Variants in CCDC188 observed in about 807,000 individuals in gnomAD.
The protein encoded by CCDC188 is coiled-coil domain-containing protein 188.
Under a neutral mutation model 50.7 loss-of-function variants are expected in CCDC188, and 37 were observed. The ratio of observed to expected loss-of-function variants is 0.73; its 90% CI spans 0.56 to 0.96. The LOEUF (loss-of-function observed/expected upper bound fraction) is 0.96. Among genes scored for constraint, CCDC188 ranks in the 40% least tolerant of loss-of-function variants. CCDC188 has a pLI of 0.00. For synonymous variants in CCDC188, 208 were observed against 228.0 expected, an observed-to-expected ratio of 0.91 and a Z score of 0.79; for missense variants, 453 against 512.9, an observed-to-expected ratio of 0.88 and a Z score of 1.13.
At position 20,148,695 on chromosome 22, in the gene CCDC188, C is replaced by T. The variant is rs755870392; in HGVS notation, c.1128G>A (p.Leu376=). 1.3e-6 allele frequency: 2 copies of T among 1,543,394 alleles called. No individual in the cohort carries two copies. Among genetic ancestry groups the T allele is most frequent in the African/African-American group, 2.8e-5 (2 of 72,482 alleles). The change falls in exon 9 of 9, where the codon CTG becomes CTA. Residue 376 remains leucine, a synonymous_variant. Transcript: ENST00000439765. ...GGAGCTTCCAGACGGTGGCACGGCT[C>T]AGCAGGGGTGGCACCAGCCCCTCGA... is the stretch of plus-strand genomic sequence containing the variant. ...TPFEGLVPPL[L]SRATVWKLRA...
intron 1 of CCDC188, 56 bp from the exon 2 acceptor site, chr22:20,150,306 G>A: frequency 2.3e-6 from 3 of 1,323,776 alleles, no homozygotes; most frequent in Admixed American, 4.3e-5. Flanking sequence ...CTGCGGCTGG[G>A]GCTGGGGCAG....
Position 20,149,435 on chromosome 22 carries a change from C to T in CCDC188, c.891G>A (p.Glu297=), listed in dbSNP as rs1282301122. 3.2e-6 allele frequency: 5 copies of T among 1,550,148 alleles called. No homozygotes were observed. In the Admixed American group the frequency reaches 5.9e-5, roughly 18 times the overall value. The change falls in exon 6 of 9, where the codon GAG becomes GAA. Residue 297 remains glutamate, a synonymous_variant. Transcript: ENST00000439765. ...KDIRGVLDQM[E]DIQLEILRER... is the part of the protein sequence containing the mutation. Reference sequence around the variant, plus strand: ...ACCTGAGAATCTCCAGCTGGATGTCCTCCATCTGGTCCAGCACGCCCCGGA... The same window carrying T: ...ACCTGAGAATCTCCAGCTGGATGTCTTCCATCTGGTCCAGCACGCCCCGGA...
chr22:20,149,629 G>A lies in CCDC188; in HGVS notation c.801C>T (p.Asn267=), dbSNP rs1406846973. The change falls in exon 5 of 9, where the codon AAC becomes AAT. Residue 267 remains asparagine, a synonymous_variant. Transcript: ENST00000439765. ...TCAGGGCCATGTGCATCTCAGCCACGTTGTCCCACACCTAGGGGGAGGTGG... is the reference window on the plus strand; with the variant it reads ...TCAGGGCCATGTGCATCTCAGCCACATTGTCCCACACCTAGGGGGAGGTGG... ...KKMVITEVWD[N]VAEMHMALNN... is the part of the protein sequence containing the mutation. The A allele has an allele frequency of 2.6e-6, 4 of 1,550,084 alleles. No homozygotes were observed. The highest frequency in any genetic ancestry group is 3.5e-6 in the Non-Finnish European group (4 of 1,146,870).
Position 20,150,800 on chromosome 22 carries a change from C to A in CCDC188, c.187G>T (p.Ala63Ser), listed in dbSNP as rs752818283. Residue 63 changes from alanine to serine, a missense_variant, in exon 1 of 9, where the codon GCA becomes TCA. Transcript: ENST00000439765. ...TCCACTGTGGGCCCACTGCCCCCTG[C>A]CCCTGGGACTGGGAAAGGTCTCTGG... is the stretch of plus-strand genomic sequence containing the variant. ...QSQRPFPVPGAGGSGPTVEGE... is the reference protein window; with the variant it reads ...QSQRPFPVPGSGGSGPTVEGE... 54 of 1,549,422 alleles carry A rather than the reference C, an allele frequency of 3.5e-5. 1 individual carries two copies. In the South Asian group the frequency reaches 5.5e-4, roughly 16 times the overall value.
intron 6 of CCDC188, 60 bp downstream of exon 6, chr22:20,149,352 C>A: frequency 1.3e-6 from 2 of 1,548,690 alleles, no homozygotes; most frequent in Non-Finnish European, 1.7e-6. Flanking sequence ...TCTGCCCTGT[C>A]CTGACCAGGA....
chr22:20,150,982 T>A lies in CCDC188; in HGVS notation c.5A>T (p.Glu2Val), dbSNP rs2050617369. 7.2e-7 allele frequency: 1 copy of A among 1,395,594 alleles called. No individual in the cohort carries two copies. The highest frequency in any genetic ancestry group is 2.6e-5 in the East Asian group (1 of 38,224). The allele number at this position is 1,395,594 out of a possible 1,614,324, so 86.5% of individuals were successfully genotyped here. The change falls in exon 1 of 9, where the codon GAG (glutamate) becomes GTG (valine). Residue 2 changes from glutamate to valine, a missense_variant. Physicochemically the swap from Glu to Val is moderately radical, Grantham distance 121. Coordinates refer to ENST00000439765, the MANE Select transcript of CCDC188 (RefSeq NM_001365892.2). M[E>V]GLKTLGPCGH... ...GCAGGGGCCCAGGGTTTTCAGCCCC[T>A]CCATCCCTCCCTGCAACCCCTTCCT... is the stretch of plus-strand genomic sequence containing the variant.
In CCDC188 at chr22:20,148,785, C is replaced by G; in HGVS notation, c.1038G>C (p.Arg346Ser). Reference sequence around the variant, plus strand: ...AGACCAGCAGGGCGCCCAGCAGCAGCCTCAGGGTCAGCAGCCTGCGGGCGG... The same window carrying G: ...AGACCAGCAGGGCGCCCAGCAGCAGGCTCAGGGTCAGCAGCCTGCGGGCGG... ...LAGQLWLLTL[R>S]LLLGALLVWT... is the part of the protein sequence containing the mutation. Residue 346 changes from arginine (R) to serine (S), a missense_variant, in exon 9 of 9, where the codon AGG becomes AGC. By Grantham distance (110) the Arg-to-Ser change is moderately radical. Coordinates refer to ENST00000439765, the MANE Select transcript of CCDC188 (RefSeq NM_001365892.2). The G allele has an allele frequency of 6.8e-7, 1 of 1,472,280 alleles. No individual in the cohort carries two copies. The highest frequency in any genetic ancestry group is 9.0e-7 in the Non-Finnish European group (1 of 1,105,314). The allele number at this position is 1,472,280 out of a possible 1,614,324, so 91.2% of individuals were successfully genotyped here. A position where few individuals can be genotyped will look rare whatever the true frequency, so the allele number is the denominator to read the frequency against.
Position 20,148,731 on chromosome 22 carries a change from G to A in CCDC188, c.1092C>T (p.Asn364=). 6.6e-7 allele frequency: 1 copy of A among 1,522,798 alleles called. No individual in the cohort carries two copies. The allele number at this position is 1,522,798 out of a possible 1,614,324, so 94.3% of individuals were successfully genotyped here. A position where few individuals can be genotyped will look rare whatever the true frequency, so the allele number is the denominator to read the frequency against. The stretch of plus-strand genomic sequence containing the variant: ...GCACCAGCCCCTCGAAAGGTGTGGG[G>A]TTCACCACGTACACGTAGGCAGCGG... ...VWTAAYVYVV[N]PTPFEGLVPP... The change falls in exon 9 of 9, where the codon AAC becomes AAT. Residue 364 remains asparagine, a synonymous_variant. Coordinates refer to ENST00000439765, the MANE Select transcript of CCDC188 (RefSeq NM_001365892.2).
chr22:20,148,437 A>T lies in CCDC188; in HGVS notation c.*177T>A. 7.7e-7 allele frequency: 1 copy of T among 1,293,290 alleles called. No individual in the cohort carries two copies. The highest frequency in any genetic ancestry group is 2.4e-5 in the South Asian group (1 of 41,950). The allele number at this position is 1,293,290 out of a possible 1,614,324, so 80.1% of individuals were successfully genotyped here. ...GTGCTCACCGGCCACTTATGTCATGATTCTATGTCCAGCCACAGGCCCAGC... is the reference window on the plus strand; with the variant it reads ...GTGCTCACCGGCCACTTATGTCATGTTTCTATGTCCAGCCACAGGCCCAGC... On this transcript the variant is annotated 3_prime_UTR_variant, in exon 9 of 9. Coordinates refer to ENST00000439765, the MANE Select transcript of CCDC188 (RefSeq NM_001365892.2).
Position 20,150,455 on chromosome 22 carries a change from G to T in CCDC188, c.519+13C>A. On this transcript the variant is annotated intron_variant, in intron 1 of 8. Transcript: ENST00000439765. ...GCTGGGGCTGGGGCTGGGGCGGTGG[G>T]TGGGGTGCTCACCAGGCTGTGGTTC... 7.1e-7 allele frequency: 1 copy of T among 1,400,446 alleles called. No homozygotes were observed. Among genetic ancestry groups the T allele is most frequent in the Non-Finnish European group, 9.6e-7 (1 of 1,039,682 alleles). The allele number at this position is 1,400,446 out of a possible 1,614,324, so 86.8% of individuals were successfully genotyped here.
chr22:20,150,732 T>TCTCTG lies in CCDC188; in HGVS notation c.250_254dup (p.Arg85SerfsTer64). 1 of 1,550,142 alleles carries TCTCTG rather than the reference T, an allele frequency of 6.5e-7. No individual in the cohort carries two copies. The highest frequency in any genetic ancestry group is 8.7e-7 in the Non-Finnish European group (1 of 1,146,806). On this transcript the variant is annotated frameshift_variant, in exon 1 of 9. Coordinates refer to ENST00000439765, the MANE Select transcript of CCDC188 (RefSeq NM_001365892.2). LOFTEE classifies it high-confidence loss of function. Reference sequence around the variant, plus strand: ...GTCTCGGCCCCTCAGTGTCTCTCGCTCTCTGCTCCTGGCTGGACAGAAAGA... The same window carrying TCTCTG: ...GTCTCGGCCCCTCAGTGTCTCTCGCTCTCTGCTCTGCTCCTGGCTGGACAGAAAGA...
intron 1 of CCDC188, 86 bp from the exon 2 acceptor site, chr22:20,150,336 T>TGGGTGG (rs2050601949): frequency 1.5e-6 from 1 of 679,592 alleles, no homozygotes; most frequent in Non-Finnish European, 2.1e-6. Context: ...CGCCAGGTGG[T>TGGGTGG]GGGTGGGGCT....
At position 20,149,628 on chromosome 22, in the gene CCDC188, C is replaced by T. The variant is rs1158871101; in HGVS notation, c.802G>A (p.Val268Met). ...KMVITEVWDN[V>M]AEMHMALNNQ... ...TTCAGGGCCATGTGCATCTCAGCCACGTTGTCCCACACCTAGGGGGAGGTG... is the reference window on the plus strand; with the variant it reads ...TTCAGGGCCATGTGCATCTCAGCCATGTTGTCCCACACCTAGGGGGAGGTG... Residue 268 changes from valine (V) to methionine (M), a missense_variant, in exon 5 of 9, where the codon GTG (valine) becomes ATG (methionine). Physicochemically the swap from Val to Met is conservative, Grantham distance 21. Coordinates refer to ENST00000439765, the MANE Select transcript of CCDC188 (RefSeq NM_001365892.2). 34 of 1,550,030 alleles carry T rather than the reference C, an allele frequency of 2.2e-5. No homozygotes were observed. The highest frequency in any genetic ancestry group is 9.6e-6 in the Non-Finnish European group (11 of 1,146,892).
rs1044545709 is a variant in CCDC188 at position 20,150,258 on chromosome 22, G to C, written c.520-8C>G. 8 of 1,537,280 alleles carry C rather than the reference G, an allele frequency of 5.2e-6. No homozygotes were observed. Among genetic ancestry groups the C allele is most frequent in the Admixed American group, 2.0e-5 (1 of 50,590 alleles). On this transcript the variant is annotated splice_region_variant and splice_polypyrimidine_tract_variant and intron_variant, in intron 1 of 8. Transcript: ENST00000439765. ...TTCCTGATTCTGCCTTTTCTGGGGT[G>C]GGGGGCAGAGAGAGGGGGCTGCCTG...
At chr22:20,149,555 C>G in intron 5 of CCDC188, 26 bp downstream of exon 5, 1 of 1,550,224 alleles carries the variant, frequency 6.5e-7, no homozygotes, top group Non-Finnish European at 8.7e-7. Context: ...CCCCGTCCTT[C>G]TGGGTGCTGC....
At chr22:20,149,914 C>T (rs762617438) in intron 3 of CCDC188, 41 bp downstream of exon 3, 14 of 1,512,028 alleles carry the variant, frequency 9.3e-6, no homozygotes, top group Middle Eastern at 2.1e-4. Flanking sequence ...AGTGCTGTTA[C>T]GAAGCTTCCT....
Position 20,150,516 on chromosome 22 carries a change from G to A in CCDC188, c.471C>T (p.Gly157=). ...GCTGCAGGAAGGACTGTTCTGCAGA[G>A]CCCAGCAGCCCGCACTGAAGCTGGG... ...ALSQLQCGLL[G]SAEQSFLQLE... The change falls in exon 1 of 9, where the codon GGC becomes GGT. Residue 157 remains glycine (G), a synonymous_variant. Coordinates refer to ENST00000439765, the MANE Select transcript of CCDC188 (RefSeq NM_001365892.2). The A allele has an allele frequency of 1.9e-6, 3 of 1,549,068 alleles. No individual in the cohort carries two copies. The South Asian group carries it at 3.6e-5, about 18-fold the overall frequency.
chr22:20,150,568 G>A lies in CCDC188; in HGVS notation c.419C>T (p.Ala140Val). The A allele has an allele frequency of 6.5e-7, 1 of 1,547,744 alleles. No homozygotes were observed. The highest frequency in any genetic ancestry group is 8.7e-7 in the Non-Finnish European group (1 of 1,145,354). The change falls in exon 1 of 9, where the codon GCC (alanine) becomes GTC (valine). Residue 140 changes from alanine (A) to valine (V), a missense_variant. Transcript: ENST00000439765. ...CAGGGCTACCCTGGGCGAGGCCAGG[G>A]CCCCTCCCTCCCGTGACAGGGGTGG... is the stretch of plus-strand genomic sequence containing the variant. ...PCPPLSREGG[A>V]LASPRVALSQ...
At position 20,150,166 on chromosome 22, in the gene CCDC188, A is replaced by T; in HGVS notation, c.604T>A (p.Ser202Thr). ...QQFLPLCPEH[S>T]SCTALAWPPD... The stretch of plus-strand genomic sequence containing the variant: ...ACCCAGGCCAGAGCAGTGCAGCTTG[A>T]GTGTTCGGGACACAGGGGCAGGAAC... The change falls in exon 2 of 9, where the codon TCA becomes ACA. Residue 202 changes from serine (S) to threonine (T), a missense_variant. By Grantham distance (58) the Ser-to-Thr change is moderately conservative. Transcript: ENST00000439765. 25 of 1,547,562 alleles carry T rather than the reference A, an allele frequency of 1.6e-5. No individual in the cohort carries two copies. Among genetic ancestry groups the T allele is most frequent in the Non-Finnish European group, 2.2e-5 (25 of 1,145,514 alleles).
Sources: gnomAD v4.1 joint callset for allele counts on GRCh38, gnomAD v4.1.1 for gene constraint, MANE v1.5 for transcripts, NCBI Gene and HGNC (gene_info 2026-07-23, HGNC 2026-07-21) for gene names.